PKD2L1: variants seen among roughly 807,000 people sequenced by gnomAD.
The protein encoded by PKD2L1 is polycystin 2 like 1, transient receptor potential cation channel.
In PKD2L1, 77 loss-of-function variants were observed where a neutral mutation model predicts 93.0. The ratio of observed to expected loss-of-function variants is 0.83; its 90% CI spans 0.69 to 1.00. PKD2L1 has a LOEUF of 1.00. PKD2L1 is among the 50% of genes least tolerant of loss of function. The pLI, the probability that PKD2L1 is intolerant of heterozygous loss-of-function variation, is 0.00. For missense variants in PKD2L1, 977 were observed against 990.9 expected (o/e 0.99, Z 0.19); for synonymous variants, 390 against 388.0 (o/e 1.01, Z -0.06).
At chr10:100,303,989 CTATT>C (rs1156485636) in intron 2 of PKD2L1, among the ~76,000 whole-genome samples, 3 of 152,176 alleles carry the variant, frequency 2.0e-5, no homozygotes, top group Non-Finnish European at 4.4e-5. Flanking sequence ...TGCCCGTCAA[CTATT>C]TATGGATGCA....
chr10:100,294,824 C>T, intron 8 of PKD2L1, 118 bp downstream of exon 8: 1 of 1,304,762 alleles, frequency 7.7e-7, no homozygotes, highest in Non-Finnish European at 1.1e-6. Flanking sequence ...GACCCTCACA[C>T]AGATGCTTTG....
chr10:100,320,071 G>A (rs1379052930), intron 2 of PKD2L1, among the ~76,000 whole-genome samples: 1 of 152,194 alleles, frequency 6.6e-6, no homozygotes, highest in Non-Finnish European at 1.5e-5. Flanking sequence ...GCTGGGACAG[G>A]ACTGACTCCA....
At position 100,296,219 on chromosome 10, in the gene PKD2L1, T is replaced by G. The variant is rs1245874821; in HGVS notation, c.1259A>C (p.Gln420Pro). 1 of 1,612,086 alleles carries G rather than the reference T, an allele frequency of 6.2e-7. No homozygotes were observed. The highest frequency in any genetic ancestry group is 1.7e-5 in the Admixed American group (1 of 59,712). ...EVNRLMGKLL[Q>P]QPNTYADFEF... ...AAAGTCTGCATACGTGTTTGGCTGCTGCAGGAGCTTCCCCATGAGCCGATT... is the reference window on the plus strand; with the variant it reads ...AAAGTCTGCATACGTGTTTGGCTGCGGCAGGAGCTTCCCCATGAGCCGATT... Residue 420 changes from glutamine (Q) to proline (P), a missense_variant, in exon 7 of 16, where the codon CAG becomes CCG. Physicochemically the swap from Gln to Pro is moderately conservative, Grantham distance 76. Coordinates refer to ENST00000318222, the MANE Select transcript of PKD2L1 (RefSeq NM_016112.3).
At chr10:100,304,787 G>A (rs1848760718) in intron 2 of PKD2L1, among the ~76,000 whole-genome samples, 1 of 152,148 alleles carries the variant, frequency 6.6e-6, no homozygotes, top group South Asian at 2.1e-4. Flanking sequence ...GACCAGCAGT[G>A]TCATGGTTTC....
At chr10:100,311,132 A>G (rs1386126915) in intron 2 of PKD2L1, among the ~76,000 whole-genome samples, 1 of 152,202 alleles carries the variant, frequency 6.6e-6, no homozygotes, top group African/African-American at 2.4e-5. Context: ...GCACCTCCCT[A>G]TTAACTGGTG....
At chr10:100,329,516 CAG>C (rs1326004598) in intron 1 of PKD2L1, among the ~76,000 whole-genome samples, 192 bp from the exon 2 acceptor site, 1 of 152,206 alleles carries the variant, frequency 6.6e-6, no homozygotes, top group Non-Finnish European at 1.5e-5. Flanking sequence ...CTGAGGTCGA[CAG>C]GGGTGAAGGC....
At chr10:100,317,882 G>A (rs1375558284) in intron 2 of PKD2L1, among the ~76,000 whole-genome samples, 2 of 151,956 alleles carry the variant, frequency 1.3e-5, no homozygotes, top group Non-Finnish European at 2.9e-5. Context: ...GTTCGAGACC[G>A]GCCTGGCCAA....
rs1564877357 is a variant in PKD2L1, at chr10:100,288,470, A to AG, written c.2343dup (p.Tyr782LeufsTer2). 1 of 1,606,482 alleles carries AG rather than the reference A, an allele frequency of 6.2e-7. No individual in the cohort carries two copies. Among genetic ancestry groups the AG allele is most frequent in the African/African-American group, 1.3e-5 (1 of 74,750 alleles). ...TCTAAGGCTTCCTCTTCTCTTTTATAGGGAACCTCTGTGGGGGAAAACGAG... is the reference window on the plus strand; with the variant it reads ...TCTAAGGCTTCCTCTTCTCTTTTATAGGGGAACCTCTGTGGGGGAAAACGAG... On this transcript the variant is annotated frameshift_variant, in exon 16 of 16. Transcript: ENST00000318222. LOFTEE classifies it low-confidence loss of function (END_TRUNC).
intron 2 of PKD2L1, among the ~76,000 whole-genome samples, chr10:100,302,834 G>A (rs572465965): frequency 1.2e-4 from 19 of 152,282 alleles, no homozygotes; most frequent in Non-Finnish European, 2.5e-4. Context: ...GGCTGTCAGT[G>A]GTATAATTGG....
chr10:100,329,069 G>T, intron 2 of PKD2L1, 142 bp downstream of exon 2: 1 of 674,106 alleles, frequency 1.5e-6, no homozygotes, highest in Admixed American at 2.8e-5. Flanking sequence ...TTGGAATATT[G>T]TTATCTAAAG....
At chr10:100,303,984 G>A (rs1049124884) in intron 2 of PKD2L1, among the ~76,000 whole-genome samples, 12 of 152,244 alleles carry the variant, frequency 7.9e-5, no homozygotes, top group African/African-American at 1.2e-4. Context: ...AACATTGCCC[G>A]TCAACTATTT....
intron 2 of PKD2L1, among the ~76,000 whole-genome samples, chr10:100,315,980 G>C (rs1439808332): frequency 6.6e-6 from 1 of 152,156 alleles, no homozygotes; most frequent in Non-Finnish European, 1.5e-5. Flanking sequence ...ATGACTTTGG[G>C]CTTCCCCAGA....
At chr10:100,322,502 A>G (rs1458799968) in intron 2 of PKD2L1, among the ~76,000 whole-genome samples, 1 of 152,178 alleles carries the variant, frequency 6.6e-6, no homozygotes, top group East Asian at 1.9e-4. Context: ...ACTTAGAAAT[A>G]TGATGAAATG....
intron 2 of PKD2L1, among the ~76,000 whole-genome samples, chr10:100,307,310 ATCTG>A (rs1254090283): frequency 7.9e-5 from 12 of 152,166 alleles, no homozygotes; most frequent in African/African-American, 2.7e-4. Context: ...TAAAATGCAA[ATCTG>A]TCTGCCTCCA....
rs556404392 is a variant in PKD2L1 at position 100,296,254 on chromosome 10, G to A, written c.1224C>T (p.Thr408=). The A allele has an allele frequency of 3.1e-6, 5 of 1,607,100 alleles. No individual in the cohort carries two copies. In the South Asian group the frequency reaches 5.6e-5, roughly 18 times the overall value. ...TCCCCATGAGCCGATTCACCTCGAG[G>A]GTTCGGAATATGTGGAAGCCCACAG... ...IVAVGFHIFR[T]LEVNRLMGKL... The change falls in exon 7 of 16, where the codon ACC becomes ACT. Residue 408 remains threonine, a synonymous_variant. Transcript: ENST00000318222.
intron 11 of PKD2L1, among the ~76,000 whole-genome samples, chr10:100,292,378 G>C (rs189168882): frequency 1.0e-3 from 157 of 152,074 alleles, no homozygotes; most frequent in Non-Finnish European, 1.9e-3. Flanking sequence ...TGTAGTCCCA[G>C]CTACTCAGGA....
chr10:100,327,457 G>A lies in PKD2L1; in HGVS notation c.349+1754C>T, dbSNP rs187270472. Among the ~76,000 whole-genome samples the A allele has an allele frequency of 5.9e-4, 90 of 152,266 alleles. 2 individuals are homozygous for A. The East Asian group carries it at 0.014, about 24-fold the overall frequency. ...AGAACATGAGTGGATTGGACTCCTG[G>A]ACTTCCAGAACCCAAGCTTCCACCC... On this transcript the variant is annotated intron_variant, in intron 2 of 15. Transcript: ENST00000318222.
chr10:100,289,197 C>T, intron 14 of PKD2L1, 141 bp from the exon 15 acceptor site: 1 of 597,414 alleles, frequency 1.7e-6, no homozygotes, highest in South Asian at 2.2e-5. Context: ...AAATTGTAAC[C>T]CCCAATGTGA....
intron 2 of PKD2L1, among the ~76,000 whole-genome samples, chr10:100,323,294 A>G (rs1264667717): frequency 6.6e-6 from 1 of 152,206 alleles, no homozygotes; most frequent in African/African-American, 2.4e-5. Flanking sequence ...TTTGAGATGG[A>G]GTCTCGCTCT....
Sources: allele counts gnomAD v4.1 joint callset (sites outside exome capture counted in the v4.1 genomes callset), GRCh38; gene constraint gnomAD v4.1.1; transcripts MANE v1.5; gene names NCBI Gene and HGNC (gene_info 2026-07-23, HGNC 2026-07-21).